SLC22A12: variants seen among roughly 807,000 people sequenced by gnomAD.
SLC22A12 encodes the protein organic anion transporter 4-like protein.
SLC22A12 carries 56 observed loss-of-function variants against 52.7 expected under a neutral mutation model. That is an observed-to-expected ratio of 1.06 (90% CI 0.86 to 1.33). The LOEUF (loss-of-function observed/expected upper bound fraction) is 1.33. Ranked by LOEUF, SLC22A12 falls within the 40% of genes most tolerant of loss-of-function variation. The probability of loss-of-function intolerance (pLI) is 0.00; values close to 1 mark genes in which losing one functional copy is unlikely to be tolerated. For missense variants in SLC22A12, 683 were observed against 741.5 expected, an observed-to-expected ratio of 0.92 and a Z score of 0.92; for synonymous variants, 337 against 324.6, an observed-to-expected ratio of 1.04 and a Z score of -0.41.
intron 4 of SLC22A12, among the ~76,000 whole-genome samples, chr11:64,597,263 A>T (rs12365089): frequency 0.51 from 77,578 of 151,310 alleles, 23,438 homozygotes; most frequent in Non-Finnish European, 0.7. Flanking sequence ...CACAGTCCAC[A>T]CTCTCTCCCT....
In SLC22A12 at chr11:64,591,857, C is replaced by T. The variant is rs1481263705; in HGVS notation, c.301C>T (p.Pro101Ser). 1 of 1,612,578 alleles carries T rather than the reference C, an allele frequency of 6.2e-7. No homozygotes were observed. The highest frequency in any genetic ancestry group is 1.3e-5 in the African/African-American group (1 of 75,052). Residue 101 changes from proline to serine, a missense_variant, in exon 1 of 10, where the codon CCC becomes TCC. By Grantham distance (74) the Pro-to-Ser change is moderately conservative. Coordinates refer to ENST00000377574, the MANE Select transcript of SLC22A12 (RefSeq NM_144585.4). ...FRQPQWQLLD[P>S]NATATSWSEA... ...CCAGCCACAGTGGCAGCTCTTGGAC[C>T]CCAATGCCACGGCCACCAGCTGGAG... is the stretch of plus-strand genomic sequence containing the variant.
intron 7 of SLC22A12, 113 bp downstream of exon 7, chr11:64,600,003 G>C: frequency 7.6e-7 from 1 of 1,311,954 alleles, no homozygotes. Flanking sequence ...TGGTAGGAAG[G>C]AGGCTGCCGG....
intron 7 of SLC22A12, 43 bp downstream of exon 7, chr11:64,599,933 G>C: frequency 2.5e-6 from 4 of 1,584,664 alleles, no homozygotes; most frequent in African/African-American, 1.3e-5. Context: ...CCTACCTTGG[G>C]GGGGTCTCGG....
chr11:64,595,269 G>A (rs2039109442), intron 4 of SLC22A12, among the ~76,000 whole-genome samples: 1 of 137,368 alleles, frequency 7.3e-6, no homozygotes, highest in African/African-American at 2.8e-5. Context: ...ATGGATGGAT[G>A]GATGGATGGT....
chr11:64,593,726 G>A lies in SLC22A12; in HGVS notation c.753G>A (p.Val251=). ...FSFGHGLTAA[V]AYGVRDWTLL... ...TCGGCCATGGCCTGACAGCTGCAGT[G>A]GCCTACGGTGTGCGGGACTGGACAC... The change falls in exon 4 of 10, where the codon GTG becomes GTA. Residue 251 remains valine (V), a synonymous_variant. Transcript: ENST00000377574. 1.2e-6 allele frequency: 2 copies of A among 1,613,852 alleles called. No individual in the cohort carries two copies. The highest frequency in any genetic ancestry group is 1.7e-6 in the Non-Finnish European group (2 of 1,180,024).
At chr11:64,592,056 C>A in intron 1 of SLC22A12, 98 bp downstream of exon 1, 1 of 1,508,526 alleles carries the variant, frequency 6.6e-7, no homozygotes, top group Non-Finnish European at 8.9e-7. Context: ...GGGAGGGACC[C>A]ACCTCCCCAG....
intron 4 of SLC22A12, among the ~76,000 whole-genome samples, chr11:64,595,335 T>A (rs866758891): frequency 1.0e-3 from 28 of 27,524 alleles, no homozygotes; most frequent in African/African-American, 3.2e-3. Flanking sequence ...GGATGGATGG[T>A]TGAATGGATG....
chr11:64,591,952 G>T lies in SLC22A12; in HGVS notation c.396G>T (p.Val132=). ...YDRSIFTSTI[V]AKWNLVCDSH... is the part of the protein sequence containing the mutation. ...GCAGCATCTTCACCTCCACAATCGT[G>T]GCCAAGGTAGGGCCTCCCCCAGAGC... is the stretch of plus-strand genomic sequence containing the variant. The change falls in exon 1 of 10, where the codon GTG becomes GTT. Residue 132 remains valine (V), a synonymous_variant. Transcript: ENST00000377574. 6.2e-7 allele frequency: 1 copy of T among 1,610,622 alleles called. No individual in the cohort carries two copies. Among genetic ancestry groups the T allele is most frequent in the Non-Finnish European group, 8.5e-7 (1 of 1,179,970 alleles).
chr11:64,598,511 T>G lies in SLC22A12; in HGVS notation c.831-5T>G. On this transcript the variant is annotated splice_region_variant and splice_polypyrimidine_tract_variant and intron_variant, in intron 4 of 9. Coordinates refer to ENST00000377574, the MANE Select transcript of SLC22A12 (RefSeq NM_144585.4). ...ATGACCCCTCCCACGCCCCCTCCACTTAAGGTGGCTGGCAGAGTCGGCACG... is the reference window on the plus strand; with the variant it reads ...ATGACCCCTCCCACGCCCCCTCCACGTAAGGTGGCTGGCAGAGTCGGCACG... 6.4e-7 allele frequency: 1 copy of G among 1,573,084 alleles called. No homozygotes were observed. The highest frequency in any genetic ancestry group is 8.6e-7 in the Non-Finnish European group (1 of 1,160,456).
At chr11:64,598,738 A>G (rs1327519801) in intron 5 of SLC22A12, 70 bp from the exon 6 acceptor site, 1 of 1,607,204 alleles carries the variant, frequency 6.2e-7, no homozygotes, top group Non-Finnish European at 8.5e-7. Flanking sequence ...GCTCCCTGGG[A>G]AGAAGGTCTC....
chr11:64,592,736 G>T (rs1408940542), intron 1 of SLC22A12, 43 bp from the exon 2 acceptor site: 3 of 1,537,378 alleles, frequency 2.0e-6, no homozygotes, highest in Non-Finnish European at 2.7e-6. Flanking sequence ...CTCTGCTGGG[G>T]CTCTCCCAAC....
rs76660248 is a variant in SLC22A12, at chr11:64,592,522, C to A, written c.403-257C>A. Among the ~76,000 whole-genome samples the A allele has an allele frequency of 7.2e-4, 109 of 152,208 alleles. 2 individuals carry two copies. In the East Asian group the frequency reaches 0.018, roughly 25 times the overall value. ...CAAGTGGAGAGACAGGAGAGAGGGG[C>A]AGATGTGGCTAGAGACCCATTGGGC... On this transcript the variant is annotated intron_variant, in intron 1 of 9. Coordinates refer to ENST00000377574, the MANE Select transcript of SLC22A12 (RefSeq NM_144585.4).
Position 64,591,956 on chromosome 11 carries a change from A to AAGGTAGGGCCTCCCCC in SLC22A12, c.402+1_402+16dup, listed in dbSNP as rs1336473169. The AAGGTAGGGCCTCCCCC allele has an allele frequency of 1.9e-6, 3 of 1,610,440 alleles. No individual in the cohort carries two copies. The highest frequency in any genetic ancestry group is 2.5e-6 in the Non-Finnish European group (3 of 1,179,942). Reference sequence around the variant, plus strand: ...CATCTTCACCTCCACAATCGTGGCCAAGGTAGGGCCTCCCCCAGAGCCACT... The same window carrying AAGGTAGGGCCTCCCCC: ...CATCTTCACCTCCACAATCGTGGCCAAGGTAGGGCCTCCCCCAGGTAGGGCCTCCCCCAGAGCCACT... On this transcript the variant is annotated frameshift_variant and splice_region_variant, in exon 1 of 10. Transcript: ENST00000377574. LOFTEE classifies it high-confidence loss of function.
chr11:64,599,612 CACCCTG>C, intron 6 of SLC22A12, 58 bp from the exon 7 acceptor site: 1 of 216,060 alleles, frequency 4.6e-6, no homozygotes, highest in Non-Finnish European at 8.4e-6. Flanking sequence ...CCATTGTTCC[CACCCTG>C]CCCACCACCC....
chr11:64,599,071 G>T, intron 6 of SLC22A12, 148 bp downstream of exon 6: 1 of 1,246,160 alleles, frequency 8.0e-7, no homozygotes, highest in South Asian at 1.3e-5. Flanking sequence ...CTCCCGACAG[G>T]AGACAACCCA....
chr11:64,592,661 A>G (rs1288067184), intron 1 of SLC22A12, 118 bp from the exon 2 acceptor site: 2 of 824,244 alleles, frequency 2.4e-6, no homozygotes, highest in Admixed American at 1.7e-5. Flanking sequence ...CTAAAACCCT[A>G]GAGGTCACCA....
chr11:64,597,512 T>G (rs962845847), intron 4 of SLC22A12, among the ~76,000 whole-genome samples: 2 of 152,074 alleles, frequency 1.3e-5, no homozygotes, highest in Non-Finnish European at 2.9e-5. Context: ...CCATGACGCC[T>G]CTCTCTCCCT....
chr11:64,600,733 A>G lies in SLC22A12; in HGVS notation c.1395-2A>G. On this transcript the variant is annotated splice_acceptor_variant, in intron 8 of 9. Transcript: ENST00000377574. LOFTEE classifies it high-confidence loss of function. ...CGCTTATAGGTGCATCTGCATTGGC[A>G]GGATGACGGCAGTGGGCTTGGGCCA... 6.2e-7 allele frequency: 1 copy of G among 1,604,608 alleles called. No individual in the cohort carries two copies.
At chr11:64,593,338 T>C in intron 2 of SLC22A12, 67 bp from the exon 3 acceptor site, 1 of 1,608,444 alleles carries the variant, frequency 6.2e-7, no homozygotes. Context: ...GCTCTAGGTG[T>C]TCCAGAGCCC....
Sources: gnomAD v4.1 joint callset for allele counts (sites outside exome capture counted in the v4.1 genomes callset) on GRCh38, gnomAD v4.1.1 for gene constraint, MANE v1.5 for transcripts, NCBI Gene and HGNC (gene_info 2026-07-23, HGNC 2026-07-21) for gene names.